Variants in CSN2 observed in about 807,000 individuals in gnomAD.
The protein encoded by CSN2 is casein beta.
In CSN2, 27 loss-of-function variants were observed where a neutral mutation model predicts 27.3. The ratio of observed to expected loss-of-function variants is 0.99; its 90% CI spans 0.73 to 1.36. The LOEUF is 1.36. CSN2 is among the 40% of genes most tolerant of loss of function. CSN2 has a pLI of 0.00. For synonymous variants in CSN2, 131 were observed against 94.8 expected (o/e 1.38, Z -2.22); for missense variants, 333 against 264.5 (o/e 1.26, Z -1.80).
intron 5 of CSN2, among the ~76,000 whole-genome samples, chr4:69,958,548 A>G (rs1214172375): frequency 1.3e-5 from 2 of 152,236 alleles, no homozygotes. Flanking sequence ...CAAATTTTAC[A>G]TAGGTTTTTT....
intron 1 of CSN2, among the ~76,000 whole-genome samples, chr4:69,962,731 A>G (rs920793225): frequency 6.6e-6 from 1 of 152,226 alleles, no homozygotes; most frequent in Non-Finnish European, 1.5e-5. Flanking sequence ...CAAAATTGAC[A>G]AATGGGATCT....
chr4:69,964,724 G>A (rs1723739258), intron 1 of CSN2, among the ~76,000 whole-genome samples: 1 of 150,022 alleles, frequency 6.7e-6, no homozygotes, highest in Admixed American at 6.7e-5. Context: ...TATTTTATAA[G>A]TAATATAAAC....
intron 1 of CSN2, among the ~76,000 whole-genome samples, chr4:69,962,204 G>A (rs937132457): frequency 6.6e-6 from 1 of 152,082 alleles, no homozygotes; most frequent in African/African-American, 2.4e-5. Flanking sequence ...AGCTACCAAT[G>A]ACTTTCTTCA....
chr4:69,957,443 C>G lies in CSN2; in HGVS notation c.506G>C (p.Trp169Ser), dbSNP rs1286238696. The change falls in exon 6 of 8, where the codon TGG becomes TCG. Residue 169 changes from tryptophan (W) to serine (S), a missense_variant. By Grantham distance (177) the Trp-to-Ser change is radical. Coordinates refer to ENST00000353151, the MANE Select transcript of CSN2 (RefSeq NM_001891.4). ...QTLALPPQPL[W>S]SVPQPKVLPI... is the part of the protein sequence containing the mutation. Reference sequence around the variant, plus strand: ...CAGGACTTTGGGCTGAGGAACAGACCACAGGGGCTGAGGGGGAAGTGCAAG... The same window carrying G: ...CAGGACTTTGGGCTGAGGAACAGACGACAGGGGCTGAGGGGGAAGTGCAAG... The G allele has an allele frequency of 2.5e-6, 4 of 1,613,356 alleles. No homozygotes were observed. Among genetic ancestry groups the G allele is most frequent in the Admixed American group, 1.7e-5 (1 of 59,822 alleles).
intron 5 of CSN2, 95 bp from the exon 6 acceptor site, chr4:69,957,899 A>G: frequency 3.6e-6 from 4 of 1,108,880 alleles, no homozygotes; most frequent in Non-Finnish European, 3.9e-6. Flanking sequence ...ATGATAAATG[A>G]GTAAAAAGAG....
chr4:69,957,533 A>G lies in CSN2; in HGVS notation c.416T>C (p.Leu139Pro), dbSNP rs374407737. ...QIPKLTDLEN[L>P]HLPLPLLQPL... is the part of the protein sequence containing the mutation. ...CTGGAGCAGAGGCAGAGGAAGATGC[A>G]GATTTTCAAGATCAGTGAGTTTTGG... The change falls in exon 6 of 8, where the codon CTG (leucine) becomes CCG (proline). Residue 139 changes from leucine to proline, a missense_variant. Leu to Pro is a moderately conservative substitution (Grantham distance 98). Transcript: ENST00000353151. 2 of 1,613,862 alleles carry G rather than the reference A, an allele frequency of 1.2e-6. No individual in the cohort carries two copies. The highest frequency in any genetic ancestry group is 1.3e-5 in the African/African-American group (1 of 74,910).
At chr4:69,959,376 C>T (rs1272303470) in intron 3 of CSN2, among the ~76,000 whole-genome samples, 1 of 152,014 alleles carries the variant, frequency 6.6e-6, no homozygotes, top group South Asian at 2.1e-4. Flanking sequence ...AAGAAATACT[C>T]ATTGAAAATA....
chr4:69,957,484 C>T lies in CSN2; in HGVS notation c.465G>A (p.Gln155=), dbSNP rs1327190827. The T allele has an allele frequency of 6.2e-7, 1 of 1,613,642 alleles. No individual in the cohort carries two copies. The highest frequency in any genetic ancestry group is 8.5e-7 in the Non-Finnish European group (1 of 1,179,970). ...LLQPLMQQVP[Q]PIPQTLALPP... ...GAAGTGCAAGAGTCTGAGGAATAGG[C>T]TGAGGGACCTGCTGCATCAAGGGCT... The change falls in exon 6 of 8, where the codon CAG becomes CAA. Residue 155 remains glutamine, a synonymous_variant. Coordinates refer to ENST00000353151, the MANE Select transcript of CSN2 (RefSeq NM_001891.4).
rs147302244 is a variant in CSN2 at position 69,955,489 on chromosome 4, G to C, written c.*140C>G. The C allele has an allele frequency of 6.6e-6, 1 of 152,172 alleles. No individual in the cohort carries two copies. Among genetic ancestry groups the C allele is most frequent in the Non-Finnish European group, 1.5e-5 (1 of 67,872 alleles). 9.4% of individuals were successfully genotyped at this position (152,172 alleles called of 1,614,324 possible). A position where few individuals can be genotyped will look rare whatever the true frequency, so the allele number is the denominator to read the frequency against. ...GACATAATATATAAAATAAATAAAGGGACAAAGTTCATTTTTTCCATATAA... is the reference window on the plus strand; with the variant it reads ...GACATAATATATAAAATAAATAAAGCGACAAAGTTCATTTTTTCCATATAA... On this transcript the variant is annotated 3_prime_UTR_variant, in exon 8 of 8. Coordinates refer to ENST00000353151, the MANE Select transcript of CSN2 (RefSeq NM_001891.4).
At chr4:69,956,490 G>T (rs370628921) in intron 6 of CSN2, 135 bp from the exon 7 acceptor site, 15 of 570,588 alleles carry the variant, frequency 2.6e-5, no homozygotes, top group East Asian at 2.1e-4. Context: ...CAGATGTGAA[G>T]TAAGGCTTGT....
At chr4:69,956,687 A>G (rs1723407848) in intron 6 of CSN2, among the ~76,000 whole-genome samples, 1 of 152,126 alleles carries the variant, frequency 6.6e-6, no homozygotes, top group Non-Finnish European at 1.5e-5. Context: ...AACATTTTTT[A>G]GCTTTTTTTT....
At chr4:69,965,274 T>C (rs1560401478) in intron 1 of CSN2, among the ~76,000 whole-genome samples, 1 of 151,388 alleles carries the variant, frequency 6.6e-6, no homozygotes, top group Non-Finnish European at 1.5e-5. Context: ...ACAAAGCTTT[T>C]CCAGTAATTA....
intron 7 of CSN2, among the ~76,000 whole-genome samples, chr4:69,955,857 T>G (rs2109740079): frequency 6.6e-6 from 1 of 152,188 alleles, no homozygotes; most frequent in South Asian, 2.1e-4. Flanking sequence ...AATGCTGTTC[T>G]CTCCTCTTTT....
intron 1 of CSN2, among the ~76,000 whole-genome samples, chr4:69,961,517 T>C (rs1022072405): frequency 1.2e-4 from 18 of 152,246 alleles, no homozygotes; most frequent in Admixed American, 6.5e-4. Flanking sequence ...AAAAGGCCTT[T>C]GACAAAATTC....
chr4:69,957,459 G>C lies in CSN2; in HGVS notation c.490C>G (p.Pro164Ala). The C allele has an allele frequency of 6.2e-7, 1 of 1,613,796 alleles. No homozygotes were observed. Among genetic ancestry groups the C allele is most frequent in the South Asian group, 1.1e-5 (1 of 91,072 alleles). Residue 164 changes from proline to alanine, a missense_variant, in exon 6 of 8, where the codon CCC (proline) becomes GCC (alanine). Physicochemically the swap from Pro to Ala is conservative, Grantham distance 27. Transcript: ENST00000353151. ...PQPIPQTLAL[P>A]PQPLWSVPQP... The stretch of plus-strand genomic sequence containing the variant: ...GGAACAGACCACAGGGGCTGAGGGG[G>C]AAGTGCAAGAGTCTGAGGAATAGGC...
chr4:69,960,075 A>G lies in CSN2; in HGVS notation c.56T>C (p.Ile19Thr), dbSNP rs774370646. ...TACCTCACTGCTTGAAAGGCTTTCT[A>G]TGGTCTGTGGGAAAAAAAAATTGAC... ...LVALALARET[I>T]ESLSSSEESI... Residue 19 changes from isoleucine (I) to threonine (T), a missense_variant, in exon 3 of 8, where the codon ATA (isoleucine) becomes ACA (threonine). Physicochemically the swap from Ile to Thr is moderately conservative, Grantham distance 89 (BLOSUM62 -1). Transcript: ENST00000353151. 5.0e-6 allele frequency: 8 copies of G among 1,611,490 alleles called. No individual in the cohort carries two copies. The highest frequency in any genetic ancestry group is 1.3e-5 in the African/African-American group (1 of 74,774).
At chr4:69,956,673 A>T (rs368355815) in intron 6 of CSN2, among the ~76,000 whole-genome samples, 4 of 152,202 alleles carry the variant, frequency 2.6e-5, no homozygotes, top group African/African-American at 4.8e-5. Flanking sequence ...AAGGAAAATG[A>T]CAGAACATTT....
chr4:69,962,044 C>T (rs1455517854), intron 1 of CSN2, among the ~76,000 whole-genome samples: 2 of 151,954 alleles, frequency 1.3e-5, no homozygotes, highest in Non-Finnish European at 2.9e-5. Context: ...AAGGACCTCT[C>T]CAAGGAGAAC....
intron 7 of CSN2, among the ~76,000 whole-genome samples, chr4:69,955,888 A>G (rs1045925707): frequency 2.6e-5 from 4 of 152,066 alleles, no homozygotes; most frequent in African/African-American, 9.6e-5. Flanking sequence ...ACTTGGAGTA[A>G]TTTTAACTCA....
Sources: gnomAD v4.1 joint callset for allele counts (sites outside exome capture counted in the v4.1 genomes callset) on GRCh38, gnomAD v4.1.1 for gene constraint, MANE v1.5 for transcripts, NCBI Gene and HGNC (gene_info 2026-07-23, HGNC 2026-07-21) for gene names.